The following SEC63 variants were observed in gnomAD, a reference collection of about 807,000 sequenced individuals.
The protein encoded by SEC63 is translocation protein SEC63 homolog.
A neutral mutation model predicts 116.2 loss-of-function variants in SEC63; 56 were observed. The ratio of observed to expected loss-of-function variants is 0.48; its 90% CI spans 0.39 to 0.60. SEC63 has a LOEUF of 0.60. Among genes scored for constraint, SEC63 ranks in the 20% least tolerant of loss-of-function variants. The pLI, the probability that SEC63 is intolerant of heterozygous loss-of-function variation, is 0.00. For missense variants in SEC63, 668 were observed against 900.0 expected, an observed-to-expected ratio of 0.74 and a Z score of 3.30; for synonymous variants, 273 against 294.6, an observed-to-expected ratio of 0.93 and a Z score of 0.75.
chr6:107,889,746 C>G (rs1786635239), intron 16 of SEC63, among the ~76,000 whole-genome samples: 1 of 152,198 alleles, frequency 6.6e-6, no homozygotes, highest in Non-Finnish European at 1.5e-5. Context: ...CTACACACTG[C>G]TTCAAATGTG....
At chr6:107,905,420 T>C (rs1308674947) in intron 10 of SEC63, among the ~76,000 whole-genome samples, 1 of 152,210 alleles carries the variant, frequency 6.6e-6, no homozygotes, top group Non-Finnish European at 1.5e-5. Flanking sequence ...TTTAACTGCA[T>C]TACTGCCTTA....
intron 1 of SEC63, among the ~76,000 whole-genome samples, chr6:107,935,008 C>T (rs1269351010): frequency 2.3e-5 from 3 of 131,378 alleles, no homozygotes; most frequent in Non-Finnish European, 3.2e-5. Flanking sequence ...GTCAGCCCCC[C>T]GCCCGGCCAG....
chr6:107,934,983 C>G (rs1474941241), intron 1 of SEC63, among the ~76,000 whole-genome samples: 84 of 101,350 alleles, frequency 8.3e-4, no homozygotes, highest in African/African-American at 2.8e-3. Context: ...CCCCGTCCGG[C>G]AGGGAGGTGG....
At chr6:107,910,342 T>TCACA (rs1177464383) in intron 7 of SEC63, among the ~76,000 whole-genome samples, 1 of 152,012 alleles carries the variant, frequency 6.6e-6, no homozygotes, top group Non-Finnish European at 1.5e-5. Context: ...TGGTACACAC[T>TCACA]TGTGGTCTTA....
chr6:107,897,205 A>G (rs1786871157), intron 14 of SEC63, among the ~76,000 whole-genome samples: 1 of 152,168 alleles, frequency 6.6e-6, no homozygotes, highest in African/African-American at 2.4e-5. Flanking sequence ...ACTTTTCTGC[A>G]TTGTTTAAAT....
intron 6 of SEC63, among the ~76,000 whole-genome samples, chr6:107,912,140 T>C (rs759721049): frequency 6.6e-6 from 1 of 152,180 alleles, no homozygotes; most frequent in Admixed American, 6.5e-5. Flanking sequence ...AAAGACAGCC[T>C]TTAGACAATT....
rs112538985 is a variant in SEC63, at chr6:107,952,158, T to C, written c.124+5728A>G. Reference sequence around the variant, plus strand: ...CCAAGAGAGTAAAACAAATAACTACTAAAAGGGGTATTAATTATAAGTACG... The same window carrying C: ...CCAAGAGAGTAAAACAAATAACTACCAAAAGGGGTATTAATTATAAGTACG... On this transcript the variant is annotated intron_variant, in intron 1 of 20. Transcript: ENST00000369002. 2.0e-3 allele frequency among the ~76,000 whole-genome samples: 305 copies of C among 152,192 alleles called. 1 individual carries two copies. The highest frequency in any genetic ancestry group is 6.8e-3 in the Middle Eastern group (2 of 294).
At chr6:107,875,956 G>C (rs1191828355) in intron 19 of SEC63, among the ~76,000 whole-genome samples, 1 of 151,714 alleles carries the variant, frequency 6.6e-6, no homozygotes, top group Non-Finnish European at 1.5e-5. Flanking sequence ...GATTATAAAG[G>C]GTTAAAAAAT....
At chr6:107,933,656 A>G (rs937085732) in intron 1 of SEC63, among the ~76,000 whole-genome samples, 2 of 150,988 alleles carry the variant, frequency 1.3e-5, no homozygotes, top group Non-Finnish European at 3.0e-5. Flanking sequence ...CTAAAGAAAC[A>G]CCTGCCTCTG....
At chr6:107,894,033 G>C (rs1786757028) in intron 14 of SEC63, 136 bp from the exon 15 acceptor site, 3 of 865,716 alleles carry the variant, frequency 3.5e-6, no homozygotes, top group Non-Finnish European at 3.8e-6. Flanking sequence ...GAGACGTTTA[G>C]CAATTACTAG....
chr6:107,895,295 T>C (rs1478214057), intron 14 of SEC63, among the ~76,000 whole-genome samples: 3 of 152,250 alleles, frequency 2.0e-5, no homozygotes, highest in Non-Finnish European at 4.4e-5. Context: ...AATTTCAGCA[T>C]TGGTTTCAGT....
intron 2 of SEC63, 22 bp downstream of exon 2, chr6:107,929,393 T>C (rs781107096): frequency 3.1e-6 from 4 of 1,311,024 alleles, no homozygotes; most frequent in Middle Eastern, 1.8e-4. Context: ...AGTAGGTTTT[T>C]TTCTTGAAAT....
chr6:107,916,779 C>T (rs890467710), intron 4 of SEC63, among the ~76,000 whole-genome samples: 1 of 152,180 alleles, frequency 6.6e-6, no homozygotes, highest in Non-Finnish European at 1.5e-5. Flanking sequence ...ACAAACTGCA[C>T]CTGCAGAAGA....
At chr6:107,894,004 G>A (rs1786756362) in intron 14 of SEC63, 107 bp from the exon 15 acceptor site, 2 of 1,187,194 alleles carry the variant, frequency 1.7e-6, no homozygotes, top group South Asian at 2.6e-5. Flanking sequence ...TTTTTAACTG[G>A]CTACAATTGA....
chr6:107,948,287 C>G (rs1770515811), intron 1 of SEC63, among the ~76,000 whole-genome samples: 2 of 152,200 alleles, frequency 1.3e-5, no homozygotes, highest in South Asian at 4.1e-4. Context: ...AAGAGATGCT[C>G]TGGCATAAGA....
intron 1 of SEC63, among the ~76,000 whole-genome samples, chr6:107,955,173 A>G (rs1253761305): frequency 6.6e-6 from 1 of 152,202 alleles, no homozygotes; most frequent in Non-Finnish European, 1.5e-5. Flanking sequence ...TTACCTGTAA[A>G]TGGAGATAAT....
At chr6:107,920,001 G>A (rs554757907) in intron 4 of SEC63, among the ~76,000 whole-genome samples, 2 of 152,212 alleles carry the variant, frequency 1.3e-5, no homozygotes, top group Admixed American at 1.3e-4. Flanking sequence ...ATCCTGATCA[G>A]TCAACAGCCA....
chr6:107,897,734 G>T lies in SEC63; in HGVS notation c.1358-3C>A. ...GTTGCTATCTTCATCATCTAACACT[G>T]TTAAGATGGAAGAAAAAAAACAGCA... On this transcript the variant is annotated splice_region_variant and splice_polypyrimidine_tract_variant and intron_variant, in intron 13 of 20. Transcript: ENST00000369002. 1 of 1,581,360 alleles carries T rather than the reference G, an allele frequency of 6.3e-7. No individual in the cohort carries two copies. The highest frequency in any genetic ancestry group is 8.7e-7 in the Non-Finnish European group (1 of 1,150,752).
chr6:107,947,225 A>T (rs559267764), intron 1 of SEC63, among the ~76,000 whole-genome samples: 32 of 152,244 alleles, frequency 2.1e-4, no homozygotes, highest in South Asian at 1.9e-3. Context: ...TGAGCCTGGG[A>T]GGCAGAGGTT....
Sources: gnomAD v4.1 joint callset for allele counts (sites outside exome capture counted in the v4.1 genomes callset) on GRCh38, gnomAD v4.1.1 for gene constraint, MANE v1.5 for transcripts, NCBI Gene and HGNC (gene_info 2026-07-23, HGNC 2026-07-21) for gene names.